Variants in GPC5 observed in about 807,000 individuals in gnomAD.
GPC5 encodes the protein glypican-5.
GPC5 carries 47 observed loss-of-function variants against 53.9 expected under a neutral mutation model. That is an observed-to-expected ratio of 0.87 (90% CI 0.69 to 1.11). GPC5 has a LOEUF of 1.11. Ranked by LOEUF, GPC5 falls within the 50% of genes most tolerant of loss-of-function variation. The probability of loss-of-function intolerance (pLI) is 0.00; values close to 1 mark genes in which losing one functional copy is unlikely to be tolerated. For missense variants in GPC5, 748 were observed against 713.1 expected, an observed-to-expected ratio of 1.05 and a Z score of -0.56; for synonymous variants, 286 against 263.3, an observed-to-expected ratio of 1.09 and a Z score of -0.84.
chr13:92,447,607 T>G (rs1484252743), intron 7 of GPC5: 1 of 152,166 alleles, frequency 6.6e-6, no homozygotes, highest in Non-Finnish European at 1.5e-5. Context: ...AATGTAATTT[T>G]CCTGCAGAGT....
chr13:92,108,462 G>A (rs2041527414), intron 6 of GPC5, among the ~76,000 whole-genome samples: 1 of 152,168 alleles, frequency 6.6e-6, no homozygotes, highest in South Asian at 2.1e-4. Flanking sequence ...CTGCAGGGCT[G>A]GGATTTTACC....
intron 7 of GPC5, among the ~76,000 whole-genome samples, chr13:92,154,153 C>A (rs1036511516): frequency 2.0e-5 from 3 of 152,060 alleles, no homozygotes; most frequent in Non-Finnish European, 4.4e-5. Context: ...AGGATGGGAG[C>A]AGGTGCCACA....
At chr13:92,572,731 T>A (rs943006898) in intron 7 of GPC5, among the ~76,000 whole-genome samples, 3 of 152,182 alleles carry the variant, frequency 2.0e-5, no homozygotes, top group African/African-American at 7.2e-5. Flanking sequence ...TCTCACCATA[T>A]GACACAAAAT....
At chr13:92,455,622 GT>G (rs1878234352) in intron 7 of GPC5, among the ~76,000 whole-genome samples, 1 of 152,058 alleles carries the variant, frequency 6.6e-6, no homozygotes, top group South Asian at 2.1e-4. Flanking sequence ...AAAACAATTG[GT>G]TAAATGCTAT....
chr13:91,925,038 C>G (rs1417410599), intron 6 of GPC5, among the ~76,000 whole-genome samples: 1 of 152,058 alleles, frequency 6.6e-6, no homozygotes, highest in African/African-American at 2.4e-5. Flanking sequence ...CCAGGATGGT[C>G]TCGATCTCCT....
chr13:91,988,984 A>T (rs941018918), intron 6 of GPC5, among the ~76,000 whole-genome samples: 2 of 152,010 alleles, frequency 1.3e-5, no homozygotes, highest in East Asian at 3.9e-4. Flanking sequence ...CTACAAACCC[A>T]GAATAATCAG....
At chr13:91,410,641 C>A (rs77834925) in intron 1 of GPC5, among the ~76,000 whole-genome samples, 2,447 of 152,106 alleles carry the variant, frequency 0.016, 77 homozygotes, top group African/African-American at 0.057. Context: ...CCACTACGCC[C>A]GGCCTTCCTT....
At chr13:91,677,764 A>G (rs963794680) in intron 2 of GPC5, among the ~76,000 whole-genome samples, 1 of 152,204 alleles carries the variant, frequency 6.6e-6, no homozygotes, top group African/African-American at 2.4e-5. Flanking sequence ...AGTTATTTAG[A>G]ATCTAGATTT....
At chr13:92,535,282 T>A (rs1432417028) in intron 7 of GPC5, among the ~76,000 whole-genome samples, 2 of 152,118 alleles carry the variant, frequency 1.3e-5, no homozygotes, top group African/African-American at 2.4e-5. Context: ...CTTCAGTTCA[T>A]GCACACGCTA....
At chr13:92,616,567 C>T (rs536269291) in intron 7 of GPC5, among the ~76,000 whole-genome samples, 260 of 152,278 alleles carry the variant, frequency 1.7e-3, no homozygotes, top group Non-Finnish European at 2.2e-3. Flanking sequence ...CATTGTTCTT[C>T]CTATTTTACT....
intron 2 of GPC5, among the ~76,000 whole-genome samples, chr13:91,467,572 G>A (rs1882324648): frequency 6.6e-6 from 1 of 151,580 alleles, no homozygotes. Flanking sequence ...TCTTAATTTG[G>A]GTTTTTGTCT....
intron 6 of GPC5, among the ~76,000 whole-genome samples, chr13:91,930,005 G>A (rs970614684): frequency 6.6e-6 from 1 of 152,024 alleles, no homozygotes; most frequent in East Asian, 1.9e-4. Flanking sequence ...AAAGTTATAA[G>A]CTAGCCTTTG....
intron 7 of GPC5, among the ~76,000 whole-genome samples, chr13:92,704,370 C>T (rs1887869212): frequency 6.6e-6 from 1 of 151,928 alleles, no homozygotes; most frequent in Admixed American, 6.6e-5. Flanking sequence ...ATATTGACTA[C>T]TAATGCAGAA....
At chr13:92,551,740 C>T (rs1243944337) in intron 7 of GPC5, among the ~76,000 whole-genome samples, 1 of 151,740 alleles carries the variant, frequency 6.6e-6, no homozygotes, top group African/African-American at 2.4e-5. Context: ...AGAAGAAATA[C>T]TGCCTGTGCA....
At chr13:91,814,089 C>T (rs534897159) in intron 5 of GPC5, among the ~76,000 whole-genome samples, 24 of 151,776 alleles carry the variant, frequency 1.6e-4, no homozygotes, top group East Asian at 1.4e-3. Context: ...CGTGCCACCA[C>T]GCCTGGCTAA....
At chr13:92,363,217 AGTT>A (rs1295789523) in intron 7 of GPC5, among the ~76,000 whole-genome samples, 2 of 151,684 alleles carry the variant, frequency 1.3e-5, no homozygotes, top group African/African-American at 4.9e-5. Context: ...GGCTAGGAAT[AGTT>A]GTTGTTTCCA....
intron 2 of GPC5, among the ~76,000 whole-genome samples, chr13:91,482,781 G>C (rs150326493): frequency 7.3e-4 from 111 of 152,112 alleles, no homozygotes; most frequent in Non-Finnish European, 1.1e-3. Context: ...GTGTGCGGTG[G>C]TCTGAAGGAA....
chr13:92,320,845 T>A (rs2043210867), intron 7 of GPC5, among the ~76,000 whole-genome samples: 1 of 152,154 alleles, frequency 6.6e-6, no homozygotes, highest in Admixed American at 6.5e-5. Context: ...AAACGACTGT[T>A]TTGAAGATTT....
chr13:92,268,023 G>A (rs2042814206), intron 7 of GPC5, among the ~76,000 whole-genome samples: 1 of 151,728 alleles, frequency 6.6e-6, no homozygotes, highest in Admixed American at 6.6e-5. Flanking sequence ...ATAACTTTTT[G>A]AGTATCATAT....
Sources: gnomAD v4.1 joint callset for allele counts (sites outside exome capture counted in the v4.1 genomes callset) on GRCh38, gnomAD v4.1.1 for gene constraint, MANE v1.5 for transcripts, NCBI Gene and HGNC (gene_info 2026-07-23, HGNC 2026-07-21) for gene names.